Variants in CCSER1 observed in about 807,000 individuals in gnomAD.
CCSER1 encodes serine-rich coiled-coil domain-containing protein 1.
A neutral mutation model predicts 82.0 loss-of-function variants in CCSER1; 41 were observed. The observed-to-expected ratio is 0.50, with a 90% CI of 0.39 to 0.65. CCSER1 has a LOEUF of 0.65. Ranked by LOEUF, CCSER1 falls within the 30% of genes least tolerant of loss-of-function variation. The pLI, the probability that CCSER1 is intolerant of heterozygous loss-of-function variation, is 0.00. For synonymous variants in CCSER1, 414 were observed against 383.9 expected (o/e 1.08, Z -0.92); for missense variants, 1,119 against 1,064.2 (o/e 1.05, Z -0.72).
chr4:90,650,093 T>C (rs929130671), intron 6 of CCSER1, among the ~76,000 whole-genome samples: 1 of 152,140 alleles, frequency 6.6e-6, no homozygotes, highest in Non-Finnish European at 1.5e-5. Flanking sequence ...GGCAGGCACC[T>C]GTAATCCCAG....
chr4:90,468,286 T>TA lies in CCSER1; in HGVS notation c.1657dup (p.Thr553AsnfsTer19). The stretch of plus-strand genomic sequence containing the variant: ...TCGTCTCATGTGCCGCAGTAGTTCT[T>TA]ACTCCTATGGAACCAATGATAGAAA... On this transcript the variant is annotated frameshift_variant, in exon 5 of 11. Transcript: ENST00000509176. LOFTEE classifies it high-confidence loss of function. The TA allele has an allele frequency of 6.2e-7, 1 of 1,609,360 alleles. No homozygotes were observed. Among genetic ancestry groups the TA allele is most frequent in the Non-Finnish European group, 8.5e-7 (1 of 1,176,936 alleles).
At chr4:90,999,624 A>G (rs918760938) in intron 9 of CCSER1, among the ~76,000 whole-genome samples, 1 of 151,950 alleles carries the variant, frequency 6.6e-6, no homozygotes, top group African/African-American at 2.4e-5. Flanking sequence ...CAGATTCTGG[A>G]TATTAGAACT....
At chr4:90,283,774 G>A (rs2153461912) in intron 1 of CCSER1, among the ~76,000 whole-genome samples, 1 of 152,128 alleles carries the variant, frequency 6.6e-6, no homozygotes, top group Non-Finnish European at 1.5e-5. Flanking sequence ...CTTGTGAATA[G>A]GGCTGCAGTA....
intron 10 of CCSER1, among the ~76,000 whole-genome samples, chr4:91,529,871 C>T (rs1424956750): frequency 6.6e-6 from 1 of 152,060 alleles, no homozygotes; most frequent in East Asian, 1.9e-4. Context: ...CTAAAATCCA[C>T]GTCAGAGGGA....
At chr4:90,376,352 A>G (rs1748315466) in intron 3 of CCSER1, among the ~76,000 whole-genome samples, 1 of 152,172 alleles carries the variant, frequency 6.6e-6, no homozygotes, top group African/African-American at 2.4e-5. Flanking sequence ...TTGGCTCTTG[A>G]AGGCATTCAG....
At chr4:91,205,983 G>T (rs12508713) in intron 10 of CCSER1, among the ~76,000 whole-genome samples, 60,065 of 151,610 alleles carry the variant, frequency 0.4, 12,675 homozygotes, top group East Asian at 0.84. Context: ...CTTACAATAT[G>T]AGAAGTGCAG....
intron 5 of CCSER1, among the ~76,000 whole-genome samples, chr4:90,476,965 A>G (rs968546323): frequency 1.3e-5 from 2 of 152,188 alleles, no homozygotes; most frequent in Non-Finnish European, 2.9e-5. Context: ...CTCTTTATAG[A>G]GTACTATAAA....
intron 5 of CCSER1, among the ~76,000 whole-genome samples, chr4:90,550,339 A>G (rs1181026407): frequency 6.6e-6 from 1 of 152,166 alleles, no homozygotes; most frequent in Non-Finnish European, 1.5e-5. Context: ...GAGGAAAATA[A>G]ATAACTTAGG....
chr4:90,701,026 G>A (rs1737991874), intron 6 of CCSER1, among the ~76,000 whole-genome samples: 1 of 152,124 alleles, frequency 6.6e-6, no homozygotes, highest in South Asian at 2.1e-4. Flanking sequence ...TGTTGCCATT[G>A]CTTTTGGTGT....
intron 4 of CCSER1, among the ~76,000 whole-genome samples, chr4:90,460,871 A>G (rs891968441): frequency 1.3e-5 from 2 of 152,082 alleles, no homozygotes; most frequent in Admixed American, 1.3e-4. Flanking sequence ...GACTGTGACT[A>G]TATATTTGAA....
chr4:90,243,969 G>T (rs1285130718), intron 1 of CCSER1, among the ~76,000 whole-genome samples: 1 of 151,264 alleles, frequency 6.6e-6, no homozygotes, highest in Non-Finnish European at 1.5e-5. Flanking sequence ...ATTAAACTTT[G>T]CTTCTTAACT....
intron 9 of CCSER1, among the ~76,000 whole-genome samples, chr4:91,040,162 A>G (rs1370177364): frequency 6.6e-6 from 1 of 152,186 alleles, no homozygotes; most frequent in Non-Finnish European, 1.5e-5. Flanking sequence ...TTAAGGTAAC[A>G]TAAATGCTGT....
intron 10 of CCSER1, among the ~76,000 whole-genome samples, chr4:91,474,567 C>A (rs577770639): frequency 2.0e-5 from 3 of 151,162 alleles, no homozygotes; most frequent in African/African-American, 7.3e-5. Flanking sequence ...GAATACAAGT[C>A]GCAAACCAAG....
At chr4:91,328,991 T>TCATTTGCC (rs928049566) in intron 10 of CCSER1, among the ~76,000 whole-genome samples, 3 of 152,178 alleles carry the variant, frequency 2.0e-5, no homozygotes, top group African/African-American at 7.2e-5. Context: ...ACTTTGCTCC[T>TCATTTGCC]CATTTGCCTT....
At chr4:90,877,259 A>G (rs555474726) in intron 8 of CCSER1, among the ~76,000 whole-genome samples, 2 of 152,274 alleles carry the variant, frequency 1.3e-5, no homozygotes, top group East Asian at 3.9e-4. Flanking sequence ...TAACTGGAGC[A>G]GAAAACATGC....
At chr4:91,095,116 T>C (rs11097298) in intron 10 of CCSER1, among the ~76,000 whole-genome samples, 14,596 of 152,150 alleles carry the variant, frequency 0.096, 945 homozygotes, top group East Asian at 0.27. Flanking sequence ...ACCGAAAACT[T>C]AATGTCCTTG....
intron 10 of CCSER1, among the ~76,000 whole-genome samples, chr4:91,261,729 AAAC>A (rs57847646): frequency 0.55 from 83,302 of 151,696 alleles, 23,947 homozygotes; most frequent in African/African-American, 0.74. Flanking sequence ...ACTCAAATGA[AAAC>A]AACAACAGTG....
intron 6 of CCSER1, among the ~76,000 whole-genome samples, chr4:90,674,374 G>T (rs1733394653): frequency 6.6e-6 from 1 of 151,926 alleles, no homozygotes; most frequent in Non-Finnish European, 1.5e-5. Flanking sequence ...ATTGGAGACA[G>T]AGATGCTGAC....
At chr4:90,842,060 C>T (rs748732274) in intron 8 of CCSER1, among the ~76,000 whole-genome samples, 1 of 151,810 alleles carries the variant, frequency 6.6e-6, no homozygotes, top group Non-Finnish European at 1.5e-5. Flanking sequence ...CACAGCTTGG[C>T]ATTAGTTTAT....
Sources: allele counts gnomAD v4.1 joint callset (sites outside exome capture counted in the v4.1 genomes callset), GRCh38; gene constraint gnomAD v4.1.1; transcripts MANE v1.5; gene names NCBI Gene and HGNC (gene_info 2026-07-23, HGNC 2026-07-21).